SLC22A23: variants seen among roughly 807,000 people sequenced by gnomAD.
The protein encoded by SLC22A23 is solute carrier family 22 member 23.
A neutral mutation model predicts 61.0 loss-of-function variants in SLC22A23; 26 were observed. The ratio of observed to expected loss-of-function variants is 0.43; its 90% CI spans 0.31 to 0.59. SLC22A23 has a LOEUF of 0.59. SLC22A23 is among the 20% of genes least tolerant of loss of function. The pLI is 0.11. For synonymous variants in SLC22A23, 430 were observed against 413.9 expected (o/e 1.04, Z -0.47); for missense variants, 796 against 934.7 (o/e 0.85, Z 1.94).
chr6:3,456,664 G>T lies in SLC22A23; in HGVS notation c.-105C>A. 1 of 736,640 alleles carries T rather than the reference G, an allele frequency of 1.4e-6. No individual in the cohort carries two copies. The highest frequency in any genetic ancestry group is 1.7e-6 in the Non-Finnish European group (1 of 605,328). 45.6% of individuals were successfully genotyped at this position (736,640 alleles called of 1,614,324 possible). A position where few individuals can be genotyped will look rare whatever the true frequency, so the allele number is the denominator to read the frequency against. On this transcript the variant is annotated 5_prime_UTR_variant, in exon 1 of 10. Transcript: ENST00000406686. The surrounding 1 kb of genome is among the most constrained non-coding windows in gnomAD (Gnocchi z 7.1). Reference sequence around the variant, plus strand: ...CCAGGCGCCTGCAGCCGCTGCCGCCGAGGAGGGCCCGCGGCTCGAGAGAGA... The same window carrying T: ...CCAGGCGCCTGCAGCCGCTGCCGCCTAGGAGGGCCCGCGGCTCGAGAGAGA...
chr6:3,434,080 C>A (rs775435087), intron 1 of SLC22A23, among the ~76,000 whole-genome samples: 1 of 152,108 alleles, frequency 6.6e-6, no homozygotes, highest in South Asian at 2.1e-4. Flanking sequence ...TTTGGGAGGC[C>A]GAGGCGATGG....
At chr6:3,278,812 TGG>T (rs34911068) in intron 9 of SLC22A23, among the ~76,000 whole-genome samples, 1 of 152,220 alleles carries the variant, frequency 6.6e-6, no homozygotes, top group Non-Finnish European at 1.5e-5. Flanking sequence ...ATGATTTTAA[TGG>T]GGACAGCATT....
chr6:3,347,443 C>G (rs1022425104), intron 3 of SLC22A23, among the ~76,000 whole-genome samples: 3 of 152,184 alleles, frequency 2.0e-5, no homozygotes, highest in East Asian at 1.9e-4. Flanking sequence ...CCTCTGAGAG[C>G]TGAACTGCAC....
chr6:3,282,120 C>G, intron 9 of SLC22A23: 1 of 685,564 alleles, frequency 1.5e-6, no homozygotes, highest in Non-Finnish European at 2.7e-6. Flanking sequence ...CATGCAAAGG[C>G]TGCAGGAGGC....
chr6:3,284,835 G>T, intron 8 of SLC22A23: 1 of 1,404,986 alleles, frequency 7.1e-7, no homozygotes. Context: ...CAGGGGAAGG[G>T]GCGGGGGCAT....
chr6:3,422,389 A>G (rs1214394903), intron 1 of SLC22A23, among the ~76,000 whole-genome samples: 1 of 152,186 alleles, frequency 6.6e-6, no homozygotes, highest in East Asian at 1.9e-4. Flanking sequence ...AACACCCTCC[A>G]CAAGCCAGGC....
At chr6:3,303,102 A>G (rs996596800) in intron 4 of SLC22A23, 1 of 152,254 alleles carries the variant, frequency 6.6e-6, no homozygotes, top group African/African-American at 2.4e-5. Context: ...CATATATTAA[A>G]AAAAGCTCAA....
At chr6:3,367,604 T>C (rs1360773427) in intron 3 of SLC22A23, among the ~76,000 whole-genome samples, 4 of 152,156 alleles carry the variant, frequency 2.6e-5, no homozygotes, top group South Asian at 4.1e-4. Flanking sequence ...AAAACACTCA[T>C]GTTCCCATCA....
intron 9 of SLC22A23, among the ~76,000 whole-genome samples, chr6:3,274,957 C>CT (rs11393848): frequency 0.12 from 17,801 of 143,262 alleles, 1,395 homozygotes; most frequent in African/African-American, 0.23. Context: ...TTCCAGGTGA[C>CT]TTTTTTTTTT....
At chr6:3,417,694 G>A (rs1041442048) in intron 1 of SLC22A23, among the ~76,000 whole-genome samples, 13 of 152,232 alleles carry the variant, frequency 8.5e-5, no homozygotes, top group Non-Finnish European at 1.6e-4. Flanking sequence ...CTGCGACTCT[G>A]AGAACTACTG....
At chr6:3,448,710 G>A (rs1473883111) in intron 1 of SLC22A23, among the ~76,000 whole-genome samples, 2 of 152,118 alleles carry the variant, frequency 1.3e-5, no homozygotes, top group African/African-American at 4.8e-5. Context: ...TGGCCAGGAT[G>A]GTCTTGAACT....
chr6:3,455,930 G>A lies in SLC22A23; in HGVS notation c.630C>T (p.Gly210=), dbSNP rs1325883245. The A allele has an allele frequency of 2.7e-5, 41 of 1,517,550 alleles. No homozygotes were observed. The highest frequency in any genetic ancestry group is 3.6e-5 in the Non-Finnish European group (40 of 1,126,258). 94.0% of individuals were successfully genotyped at this position (1,517,550 alleles called of 1,614,324 possible). A position where few individuals can be genotyped will look rare whatever the true frequency, so the allele number is the denominator to read the frequency against. The change falls in exon 1 of 10, where the codon GGC becomes GGT. Residue 210 remains glycine, a synonymous_variant. Coordinates refer to ENST00000406686, the MANE Select transcript of SLC22A23 (RefSeq NM_015482.2). ...CRAWDYGIRA[G]LVQNVVSKWD... is the part of the protein sequence containing the mutation. Reference sequence around the variant, plus strand: ...CCTTGCTGACCACGTTCTGGACGAGGCCGGCGCGGATGCCGTAGTCCCATG... The same window carrying A: ...CCTTGCTGACCACGTTCTGGACGAGACCGGCGCGGATGCCGTAGTCCCATG...
chr6:3,283,763 GCTGGTTAATC>G (rs748201573), intron 9 of SLC22A23, 79 bp downstream of exon 9: 1 of 1,583,468 alleles, frequency 6.3e-7, no homozygotes, highest in Non-Finnish European at 8.6e-7. Flanking sequence ...CAGAGCTGAC[GCTGGTTAATC>G]CCACACCAGC....
intron 3 of SLC22A23, among the ~76,000 whole-genome samples, chr6:3,392,691 GGGTGACT>G (rs900423247): frequency 3.1e-4 from 47 of 152,310 alleles, no homozygotes; most frequent in Admixed American, 2.9e-3. Flanking sequence ...AGAGAAGAAA[GGGTGACT>G]CTTACCCATT....
At chr6:3,420,232 G>GAAAAAAAAAAA (rs34794008) in intron 1 of SLC22A23, among the ~76,000 whole-genome samples, 1 of 102,698 alleles carries the variant, frequency 9.7e-6, no homozygotes. Flanking sequence ...AGCAAAATGA[G>GAAAAAAAAAAA]AAAAAAAAAA....
At chr6:3,440,776 C>G (rs573300633) in intron 1 of SLC22A23, among the ~76,000 whole-genome samples, 1 of 151,848 alleles carries the variant, frequency 6.6e-6, no homozygotes, top group Non-Finnish European at 1.5e-5. Flanking sequence ...TGTGAGGACA[C>G]GAAGACAGCC....
In SLC22A23 at chr6:3,297,258, A is replaced by C. The variant is rs905357165; in HGVS notation, c.1210+833T>G. ...ACAAGCATTTCTGGTCAGGGGGGAA[A>C]ATGAGCATATTCTCTCTTGGACGAT... On this transcript the variant is annotated intron_variant, in intron 5 of 9. Transcript: ENST00000406686. The surrounding 1 kb of genome is among the most constrained non-coding windows in gnomAD (Gnocchi z 4.3). Among the ~76,000 whole-genome samples, 2 of 152,198 alleles carry C rather than the reference A, an allele frequency of 1.3e-5. No individual in the cohort carries two copies. Among genetic ancestry groups the C allele is most frequent in the East Asian group, 3.8e-4 (2 of 5,200 alleles).
intron 3 of SLC22A23, among the ~76,000 whole-genome samples, chr6:3,345,217 G>A (rs1005314637): frequency 2.1e-4 from 32 of 152,254 alleles, no homozygotes; most frequent in African/African-American, 6.3e-4. Context: ...AATAGGTACC[G>A]AGGTTCATTC....
At chr6:3,425,474 C>T (rs1260491954) in intron 1 of SLC22A23, among the ~76,000 whole-genome samples, 3 of 151,768 alleles carry the variant, frequency 2.0e-5, no homozygotes, top group Admixed American at 6.6e-5. Flanking sequence ...TTAGTAGAGA[C>T]GGGGTTTCAC....
Sources: allele counts gnomAD v4.1 joint callset (sites outside exome capture counted in the v4.1 genomes callset), GRCh38; gene constraint gnomAD v4.1.1; non-coding constraint Gnocchi (gnomAD v3.1); transcripts MANE v1.5; gene names NCBI Gene and HGNC (gene_info 2026-07-23, HGNC 2026-07-21).